The following PDE4B variants were observed in gnomAD, a reference collection of about 807,000 sequenced individuals.
PDE4B encodes phosphodiesterase 4B, also known as 3',5'-cyclic-AMP phosphodiesterase 4B.
PDE4B carries 20 observed loss-of-function variants against 82.2 expected under a neutral mutation model. The ratio of observed to expected loss-of-function variants is 0.24; its 90% CI spans 0.17 to 0.35. PDE4B has a LOEUF of 0.35. Ranked by LOEUF, PDE4B falls within the 10% of genes least tolerant of loss-of-function variation. The pLI, the probability that PDE4B is intolerant of heterozygous loss-of-function variation, is 1.00. For missense variants in PDE4B, 655 were observed against 907.2 expected (o/e 0.72, Z 3.57); for synonymous variants, 320 against 318.9 (o/e 1.00, Z -0.04).
chr1:65,885,519 T>C (rs1241126150), intron 1 of PDE4B, among the ~76,000 whole-genome samples: 1 of 152,096 alleles, frequency 6.6e-6, no homozygotes, highest in Admixed American at 6.6e-5. Flanking sequence ...CACCATGGAA[T>C]ACTATGAAGC....
intron 3 of PDE4B, among the ~76,000 whole-genome samples, chr1:66,043,122 A>G (rs1310878319): frequency 6.6e-6 from 1 of 151,904 alleles, no homozygotes; most frequent in African/African-American, 2.4e-5. Flanking sequence ...ACTGTGTGTT[A>G]TAGTGCCTAC....
At chr1:66,254,598 T>C (rs908740953) in intron 4 of PDE4B, among the ~76,000 whole-genome samples, 2 of 152,168 alleles carry the variant, frequency 1.3e-5, no homozygotes, top group African/African-American at 4.8e-5. Context: ...TACAAATCAG[T>C]ACCTTTAAGT....
chr1:66,083,062 C>T (rs1384531941), intron 3 of PDE4B, among the ~76,000 whole-genome samples: 2 of 152,100 alleles, frequency 1.3e-5, no homozygotes, highest in Non-Finnish European at 2.9e-5. Flanking sequence ...TCTGCCGCCT[C>T]CCTCATCCTG....
intron 3 of PDE4B, among the ~76,000 whole-genome samples, chr1:66,191,533 G>A (rs1196827476): frequency 6.6e-6 from 1 of 152,122 alleles, no homozygotes; most frequent in Non-Finnish European, 1.5e-5. Flanking sequence ...CACATAATCA[G>A]ATTACTGTCG....
chr1:65,887,605 A>T (rs1010277236), intron 1 of PDE4B, among the ~76,000 whole-genome samples: 6 of 150,430 alleles, frequency 4.0e-5, no homozygotes, highest in African/African-American at 1.5e-4. Context: ...TTTTGAAGAG[A>T]TGGGGTTTTG....
In PDE4B at chr1:66,265,971, G is replaced by T. The variant is rs896227882; in HGVS notation, c.585-67G>T. The T allele has an allele frequency of 4.3e-5, 48 of 1,105,300 alleles. No individual in the cohort carries two copies. The African/African-American group carries it at 5.8e-4, about 13-fold the overall frequency. The allele number at this position is 1,105,300 out of a possible 1,614,324, so 68.5% of individuals were successfully genotyped here. On this transcript the variant is annotated intron_variant, in intron 6 of 16. Coordinates refer to ENST00000341517, the MANE Select transcript of PDE4B (RefSeq NM_002600.4). Reference sequence around the variant, plus strand: ...AAAGTCCTCAGTAACCATGAGGGTGGGGTGTCGGGGGTGGAATGGGCAGTT... The same window carrying T: ...AAAGTCCTCAGTAACCATGAGGGTGTGGTGTCGGGGGTGGAATGGGCAGTT...
At chr1:66,189,391 T>C (rs1228099976) in intron 3 of PDE4B, among the ~76,000 whole-genome samples, 1 of 152,224 alleles carries the variant, frequency 6.6e-6, no homozygotes, top group African/African-American at 2.4e-5. Context: ...CCTTGCTAGA[T>C]TGGGGAAGTT....
chr1:65,864,994 C>T (rs923042085), intron 1 of PDE4B, among the ~76,000 whole-genome samples: 3 of 152,162 alleles, frequency 2.0e-5, no homozygotes, highest in South Asian at 2.1e-4. Context: ...CGCCCCTTCC[C>T]CCAGGAGCCA....
intron 3 of PDE4B, among the ~76,000 whole-genome samples, chr1:65,933,700 G>C (rs1040136973): frequency 6.6e-6 from 1 of 151,814 alleles, no homozygotes; most frequent in African/African-American, 2.4e-5. Context: ...GTTGATCAGC[G>C]CCATACTTGT....
At chr1:66,111,497 A>G (rs1158635196) in intron 3 of PDE4B, among the ~76,000 whole-genome samples, 1 of 152,092 alleles carries the variant, frequency 6.6e-6, no homozygotes, top group East Asian at 1.9e-4. Flanking sequence ...TAGACACTGA[A>G]TATAAGTAGA....
At chr1:66,014,032 A>C (rs78602791) in intron 3 of PDE4B, among the ~76,000 whole-genome samples, 2 of 151,816 alleles carry the variant, frequency 1.3e-5, no homozygotes, top group Non-Finnish European at 2.9e-5. Context: ...TTTGATTTGT[A>C]TTTTCCTAAT....
chr1:66,038,507 G>A (rs1207023846), intron 3 of PDE4B, among the ~76,000 whole-genome samples: 2 of 151,986 alleles, frequency 1.3e-5, no homozygotes, highest in African/African-American at 4.8e-5. Flanking sequence ...CATTCTTAAA[G>A]TTCAAGGGGA....
At chr1:65,965,615 G>A (rs928502754) in intron 3 of PDE4B, among the ~76,000 whole-genome samples, 5 of 151,722 alleles carry the variant, frequency 3.3e-5, no homozygotes, top group African/African-American at 1.2e-4. Flanking sequence ...ACCCAAACTG[G>A]CATGTAAATA....
chr1:65,999,011 C>T (rs1413861018), intron 3 of PDE4B, among the ~76,000 whole-genome samples: 6 of 152,108 alleles, frequency 3.9e-5, no homozygotes, highest in African/African-American at 1.4e-4. Context: ...TTTTCCTGGC[C>T]TTTTAGTGTC....
chr1:66,144,336 C>T (rs1646229057), intron 3 of PDE4B, among the ~76,000 whole-genome samples: 1 of 152,112 alleles, frequency 6.6e-6, no homozygotes, highest in African/African-American at 2.4e-5. Flanking sequence ...TATGATGAGA[C>T]CCTTCAGGAA....
At position 66,321,975 on chromosome 1, in the gene PDE4B, A is replaced by ACCAGAACCAGTGG. The variant is rs1659437082; in HGVS notation, c.635-10533_635-10532insCCAGAACCAGTGG. 8.5e-5 allele frequency among the ~76,000 whole-genome samples: 13 copies of ACCAGAACCAGTGG among 152,346 alleles called. No homozygotes were observed. The South Asian group carries it at 2.7e-3, about 32-fold the overall frequency. ...ACATGGTACTGGTACCAGAACGCAG[A>ACCAGAACCAGTGG]TATAGACCACTGGAACAGAACAGAG... On this transcript the variant is annotated intron_variant, in intron 7 of 16. Coordinates refer to ENST00000341517, the MANE Select transcript of PDE4B (RefSeq NM_002600.4).
At chr1:65,838,484 C>CGTATGTGTATATATAT (rs1646166901) in intron 1 of PDE4B, among the ~76,000 whole-genome samples, 1 of 146,442 alleles carries the variant, frequency 6.8e-6, no homozygotes, top group Admixed American at 6.9e-5. Context: ...TATATATATA[C>CGTATGTGTATATATAT]GTATATGTAT....
chr1:65,914,766 C>T (rs976286260), intron 2 of PDE4B, among the ~76,000 whole-genome samples: 3 of 152,100 alleles, frequency 2.0e-5, no homozygotes, highest in Admixed American at 2.0e-4. Flanking sequence ...CTGATCCTCC[C>T]TGAGGGAATG....
At chr1:65,975,582 C>A (rs541225950) in intron 3 of PDE4B, among the ~76,000 whole-genome samples, 2 of 152,198 alleles carry the variant, frequency 1.3e-5, no homozygotes, top group African/African-American at 4.8e-5. Context: ...ATTTCAGGGA[C>A]CTTCACTGCA....
Sources: allele counts gnomAD v4.1 joint callset (sites outside exome capture counted in the v4.1 genomes callset), GRCh38; gene constraint gnomAD v4.1.1; transcripts MANE v1.5; gene names NCBI Gene and HGNC (gene_info 2026-07-23, HGNC 2026-07-21).